Variants in TMEM255A observed in about 807,000 individuals in gnomAD.
The protein encoded by TMEM255A is family with sequence similarity 70, member A.
Under a neutral mutation model 23.5 loss-of-function variants are expected in TMEM255A, and 14 were observed. The observed-to-expected ratio is 0.60, with a 90% CI of 0.39 to 0.93. TMEM255A has a LOEUF of 0.93. TMEM255A is among the 40% of genes least tolerant of loss of function. The pLI is 0.00. For missense variants in TMEM255A, 233 were observed against 261.7 expected (o/e 0.89, Z 0.76); for synonymous variants, 104 against 100.3 (o/e 1.04, Z -0.22).
downstream of TMEM255A, chrX:120,254,312 A>T: frequency 8.2e-7 from 1 of 1,212,124 alleles, no homozygotes; most frequent in Non-Finnish European, 1.1e-6. Flanking sequence ...CTTCACTTCC[A>T]AATCATATGC....
At chrX:120,272,844 T>G (rs200644193) in intron 7 of TMEM255A, among the ~76,000 whole-genome samples, 5 of 106,832 alleles carry the variant, frequency 4.7e-5, no homozygotes, top group Non-Finnish European at 9.6e-5. Context: ...CAGGTTCAAG[T>G]GATTCTCCTG....
At chrX:120,263,121 C>G (rs2057690996) in intron 8 of TMEM255A, among the ~76,000 whole-genome samples, 1 of 111,418 alleles carries the variant, frequency 9.0e-6, no homozygotes, top group South Asian at 3.8e-4. Flanking sequence ...GTCCACACAC[C>G]CTTGGGGTTT....
At chrX:120,303,920 G>A (rs2058048219) in intron 2 of TMEM255A, among the ~76,000 whole-genome samples, 1 of 111,422 alleles carries the variant, frequency 9.0e-6, no homozygotes, top group South Asian at 3.8e-4. Flanking sequence ...TCTGATAGGA[G>A]TGCAGGATCA....
intron 1 of TMEM255A, among the ~76,000 whole-genome samples, chrX:120,304,980 A>C (rs1328961472): frequency 8.9e-6 from 1 of 112,029 alleles, no homozygotes; most frequent in African/African-American, 3.3e-5. Flanking sequence ...AAGCCAAGTT[A>C]CTGGGATTTT....
At position 120,260,336 on chromosome X, in the gene TMEM255A, G is replaced by A. The variant is rs1211204258; in HGVS notation, c.*534C>T. ...CAGAGAAGGAAGGAGTAAGAGATAC[G>A]GGCAGTCTTTTTCAACATCCAGACA... On this transcript the variant is annotated 3_prime_UTR_variant, in exon 9 of 9. Transcript: ENST00000371369. 7.2e-6 allele frequency: 2 copies of A among 279,434 alleles called. No individual in the cohort carries two copies. Among genetic ancestry groups the A allele is most frequent in the Non-Finnish European group, 9.7e-6 (2 of 205,769 alleles). The allele number at this position is 279,434 out of a possible 1,213,427, so 23.0% of individuals were successfully genotyped here.
At chrX:120,254,171 T>C (rs782121345), downstream of TMEM255A, 1 of 1,211,817 alleles carries the variant, frequency 8.3e-7, no homozygotes, top group East Asian at 3.0e-5. Context: ...TTCCTACTCC[T>C]GTGAATCAGG....
At chrX:120,306,158 A>G (rs891974942) in intron 1 of TMEM255A, among the ~76,000 whole-genome samples, 1 of 111,238 alleles carries the variant, frequency 9.0e-6, no homozygotes, top group Non-Finnish European at 1.9e-5. Flanking sequence ...ACAAAAACAT[A>G]AAGGCCCACT....
chrX:120,286,599 C>A (rs942668975), intron 5 of TMEM255A, among the ~76,000 whole-genome samples: 36 of 111,737 alleles, frequency 3.2e-4, no homozygotes, highest in African/African-American at 1.2e-3. Flanking sequence ...CATGCTCAAG[C>A]ATTATTAGGC....
intron 2 of TMEM255A, among the ~76,000 whole-genome samples, chrX:120,300,684 C>T (rs1197706582): frequency 2.8e-5 from 3 of 106,481 alleles, no homozygotes; most frequent in Non-Finnish European, 3.9e-5. Context: ...TGTGAGCCAC[C>T]GCACCTGGCC....
intron 4 of TMEM255A, among the ~76,000 whole-genome samples, chrX:120,289,569 T>C (rs896411018): frequency 6.3e-5 from 7 of 111,864 alleles, no homozygotes; most frequent in African/African-American, 2.3e-4. Context: ...AACACTCTGG[T>C]GGGAATGTAA....
At chrX:120,298,877 TAGAGAGAGAGAG>T (rs60873568) in intron 2 of TMEM255A, among the ~76,000 whole-genome samples, 3 of 97,870 alleles carry the variant, frequency 3.1e-5, no homozygotes, top group Non-Finnish European at 6.2e-5. Flanking sequence ...ACAGAGCACC[TAGAGAGAGAGAG>T]AGAGAGAGAG....
intron 3 of TMEM255A, among the ~76,000 whole-genome samples, chrX:120,292,955 A>G (rs2057926761): frequency 1.8e-5 from 2 of 112,342 alleles, no homozygotes; most frequent in African/African-American, 6.5e-5. Context: ...CAGCTCTACA[A>G]TTAAAATTCC....
chrX:120,285,948 C>T, intron 5 of TMEM255A: 2 of 1,144,086 alleles, frequency 1.7e-6, no homozygotes, highest in Non-Finnish European at 2.3e-6. Context: ...TGAAGTGCTG[C>T]TAAATTTGTC....
chrX:120,270,269 T>A (rs2057747564), intron 7 of TMEM255A, among the ~76,000 whole-genome samples: 1 of 109,654 alleles, frequency 9.1e-6, no homozygotes, highest in African/African-American at 3.4e-5. Flanking sequence ...CTGTTTCTAT[T>A]TGTGTGCACG....
chrX:120,276,112 A>C (rs1037183712), intron 7 of TMEM255A, among the ~76,000 whole-genome samples: 1 of 111,305 alleles, frequency 9.0e-6, no homozygotes, highest in Non-Finnish European at 1.9e-5. Flanking sequence ...TCTTATATGA[A>C]GCCAGGTTGA....
At chrX:120,304,316 C>T (rs2058049967) in intron 2 of TMEM255A, 33 bp downstream of exon 2, 3 of 1,182,612 alleles carry the variant, frequency 2.5e-6, no homozygotes, top group Non-Finnish European at 3.4e-6. Flanking sequence ...AGACAGCAAG[C>T]TACTGCGACC....
chrX:120,300,585 G>A (rs782232437), intron 2 of TMEM255A, among the ~76,000 whole-genome samples: 83 of 89,733 alleles, frequency 9.2e-4, no homozygotes, highest in African/African-American at 3.7e-3. Context: ...TGTAGAGATG[G>A]GGCTTTGTCA....
At chrX:120,255,472 T>C (rs782000872), downstream of TMEM255A, 10 of 1,065,858 alleles carry the variant, frequency 9.4e-6, no homozygotes, top group East Asian at 3.0e-4. Context: ...TTTTGGATGA[T>C]GGGGCAGGGG....
rs1440351931 is a variant in TMEM255A at position 120,297,083 on chromosome X, T to TATAA, written c.202-3033_202-3032insTTAT. Among the ~76,000 whole-genome samples the TATAA allele has an allele frequency of 3.7e-4, 3 of 8,023 alleles. 1 individual carries two copies. The highest frequency in any genetic ancestry group is 4.1e-3 in the African/African-American group (2 of 485). 7.0% of individuals were successfully genotyped at this position (8,023 alleles called of 115,157 possible). ...ATAATATTATATATATTATATTATA[T>TATAA]TATAATATATATAATATTATATATA... On this transcript the variant is annotated intron_variant, in intron 2 of 8. Transcript: ENST00000371369.
Sources: gnomAD v4.1 joint callset for allele counts (sites outside exome capture counted in the v4.1 genomes callset) on GRCh38, gnomAD v4.1.1 for gene constraint, MANE v1.5 for transcripts, NCBI Gene and HGNC (gene_info 2026-07-23, HGNC 2026-07-21) for gene names.